The following CDK5RAP2 variants were observed in gnomAD, a reference collection of about 807,000 sequenced individuals.
CDK5RAP2 encodes the protein CDK5 regulatory subunit-associated protein 2.
CDK5RAP2 carries 147 observed loss-of-function variants against 232.9 expected under a neutral mutation model. That is an observed-to-expected ratio of 0.63 (90% CI 0.55 to 0.72). The LOEUF is 0.72. Ranked by LOEUF, CDK5RAP2 falls within the 30% of genes least tolerant of loss-of-function variation. CDK5RAP2 has a pLI of 0.00. For missense variants in CDK5RAP2, 2,195 were observed against 2,231.5 expected (o/e 0.98, Z 0.33); for synonymous variants, 833 against 833.7 (o/e 1.00, Z 0.01).
At chr9:120,546,509 A>T (rs746252284) in intron 4 of CDK5RAP2, among the ~76,000 whole-genome samples, 1 of 152,198 alleles carries the variant, frequency 6.6e-6, no homozygotes, top group Non-Finnish European at 1.5e-5. Context: ...CTTATCTACA[A>T]ATGTATCCCA....
intron 25 of CDK5RAP2, among the ~76,000 whole-genome samples, chr9:120,425,202 C>A (rs961132689): frequency 1.3e-5 from 2 of 152,190 alleles, no homozygotes; most frequent in Admixed American, 6.5e-5. Context: ...AAATAACAGA[C>A]CCTCGAGGAG....
chr9:120,467,991 C>A lies in CDK5RAP2; in HGVS notation c.1975G>T (p.Asp659Tyr). The change falls in exon 18 of 38, where the codon GAC becomes TAC. Residue 659 changes from aspartate (D) to tyrosine (Y), a missense_variant. Coordinates refer to ENST00000349780, the MANE Select transcript of CDK5RAP2 (RefSeq NM_018249.6). ...SQEELKKKVS[D>Y]LIQLVKELYT... ...AGCTCCTTCACTAGCTGTATAAGGT[C>A]ACTGACCTAGGAGGTAAGAACAGGG... The A allele has an allele frequency of 6.2e-7, 1 of 1,614,016 alleles. No individual in the cohort carries two copies. The highest frequency in any genetic ancestry group is 1.1e-5 in the South Asian group (1 of 91,058).
chr9:120,565,525 A>C (rs560544544), intron 3 of CDK5RAP2, among the ~76,000 whole-genome samples: 4 of 152,214 alleles, frequency 2.6e-5, no homozygotes, highest in Admixed American at 6.5e-5. Flanking sequence ...AACATTCAAG[A>C]ACCTGCAGGA....
chr9:120,428,271 G>T (rs192207786), intron 25 of CDK5RAP2, among the ~76,000 whole-genome samples: 1 of 152,146 alleles, frequency 6.6e-6, no homozygotes, highest in Admixed American at 6.5e-5. Flanking sequence ...AAGAACTGAA[G>T]GAAATAGAGA....
intron 25 of CDK5RAP2, among the ~76,000 whole-genome samples, chr9:120,431,800 C>T (rs1019427845): frequency 6.6e-6 from 1 of 152,202 alleles, no homozygotes. Flanking sequence ...TACCTACAGA[C>T]AAAATACCAC....
intron 25 of CDK5RAP2, 126 bp downstream of exon 25, chr9:120,437,169 G>T (rs1424664592): frequency 1.4e-6 from 1 of 740,002 alleles, no homozygotes; most frequent in Non-Finnish European, 2.4e-6. Flanking sequence ...TGGTTCTGCT[G>T]TCACCTCATC....
intron 1 of CDK5RAP2, 72 bp downstream of exon 1, chr9:120,579,848 C>T: frequency 1.6e-6 from 2 of 1,273,052 alleles, no homozygotes; most frequent in Non-Finnish European, 2.3e-6. Context: ...AACCCCAAGG[C>T]CGCGTTAGAA....
chr9:120,570,905 T>C (rs1225183671), intron 2 of CDK5RAP2, among the ~76,000 whole-genome samples: 1 of 152,230 alleles, frequency 6.6e-6, no homozygotes, highest in East Asian at 1.9e-4. Flanking sequence ...CTCATGCCTG[T>C]AATCCCAGCA....
chr9:120,488,216 T>C (rs1272953726), intron 13 of CDK5RAP2, among the ~76,000 whole-genome samples: 1 of 152,232 alleles, frequency 6.6e-6, no homozygotes, highest in Non-Finnish European at 1.5e-5. Flanking sequence ...CTAGCAGAAT[T>C]AATTTATCCT....
chr9:120,530,232 A>G (rs2041089576), intron 7 of CDK5RAP2, 92 bp from the exon 8 acceptor site: 2 of 882,836 alleles, frequency 2.3e-6, no homozygotes, highest in Non-Finnish European at 3.7e-6. Flanking sequence ...AGATATCTTC[A>G]AAGTAGACAT....
At chr9:120,522,081 TA>T in intron 11 of CDK5RAP2, among the ~76,000 whole-genome samples, 1 of 152,300 alleles carries the variant, frequency 6.6e-6, no homozygotes, top group East Asian at 1.9e-4. Context: ...GTAAAAATAA[TA>T]TGTTACCTCC....
rs13283499 is a variant in CDK5RAP2 at position 120,477,797 on chromosome 9, T to C, written c.1627-347A>G. On this transcript the variant is annotated intron_variant, in intron 14 of 37. Coordinates refer to ENST00000349780, the MANE Select transcript of CDK5RAP2 (RefSeq NM_018249.6). ...TTAAAACACTACAAAAAAAATATCT[T>C]TCCATATTCACTGTTGCTCCAAAGA... Among the ~76,000 whole-genome samples, 4,118 of 152,304 alleles carry C rather than the reference T, an allele frequency of 0.027. 83 individuals are homozygous for C. The highest frequency in any genetic ancestry group is 0.037 in the Middle Eastern group (11 of 294).
chr9:120,502,647 A>T (rs913093032), intron 12 of CDK5RAP2, among the ~76,000 whole-genome samples: 1 of 152,186 alleles, frequency 6.6e-6, no homozygotes, highest in Non-Finnish European at 1.5e-5. Flanking sequence ...AAGGACATGT[A>T]GTTTTGTCAT....
chr9:120,577,360 C>CA (rs34908774), intron 1 of CDK5RAP2, among the ~76,000 whole-genome samples: 311 of 125,304 alleles, frequency 2.5e-3, no homozygotes, highest in African/African-American at 8.6e-3. Context: ...GACCCTGTCT[C>CA]AAAAAAAAAA....
chr9:120,460,030 G>C (rs575308624), intron 19 of CDK5RAP2, among the ~76,000 whole-genome samples: 1 of 152,100 alleles, frequency 6.6e-6, no homozygotes, highest in Non-Finnish European at 1.5e-5. Context: ...CTATGTGTAC[G>C]GGGGTGAGAT....
chr9:120,404,157 A>G (rs745428158), intron 32 of CDK5RAP2, 44 bp from the exon 33 acceptor site: 74 of 1,213,190 alleles, frequency 6.1e-5, no homozygotes, highest in Non-Finnish European at 7.6e-5. Flanking sequence ...CACTGTTGTC[A>G]GCATTCAAGA....
At chr9:120,401,983 C>CA (rs1314923567) in intron 34 of CDK5RAP2, among the ~76,000 whole-genome samples, 93 of 144,640 alleles carry the variant, frequency 6.4e-4, no homozygotes, top group Middle Eastern at 3.6e-3. Flanking sequence ...GACTCCATCT[C>CA]AAAAAAAAAA....
intron 17 of CDK5RAP2, among the ~76,000 whole-genome samples, chr9:120,469,462 A>G (rs1341981589): frequency 1.3e-5 from 2 of 152,230 alleles, no homozygotes; most frequent in Non-Finnish European, 2.9e-5. Flanking sequence ...CCAGATAGAA[A>G]CTGAATCTTA....
intron 25 of CDK5RAP2, among the ~76,000 whole-genome samples, chr9:120,433,993 T>C (rs1233951468): frequency 6.6e-6 from 1 of 152,204 alleles, no homozygotes. Context: ...TGCACCCTTG[T>C]AGGGCTTACT....
Sources: allele counts gnomAD v4.1 joint callset (sites outside exome capture counted in the v4.1 genomes callset), GRCh38; gene constraint gnomAD v4.1.1; transcripts MANE v1.5; gene names NCBI Gene and HGNC (gene_info 2026-07-23, HGNC 2026-07-21).